The following CDH12 variants were observed in gnomAD, a reference collection of about 807,000 sequenced individuals.
CDH12 encodes the protein cadherin 12.
CDH12 carries 41 observed loss-of-function variants against 74.1 expected under a neutral mutation model. The ratio of observed to expected loss-of-function variants is 0.55; its 90% CI spans 0.43 to 0.72. The LOEUF (loss-of-function observed/expected upper bound fraction) is 0.72, where lower values mean the gene tolerates loss of function less well. Ranked by LOEUF, CDH12 falls within the 30% of genes least tolerant of loss-of-function variation. The probability of loss-of-function intolerance (pLI) is 0.00; values close to 1 mark genes in which losing one functional copy is unlikely to be tolerated. For missense variants in CDH12, 945 were observed against 977.2 expected (o/e 0.97, Z 0.44); for synonymous variants, 399 against 355.0 (o/e 1.12, Z -1.39).
intron 1 of CDH12, among the ~76,000 whole-genome samples, chr5:22,535,900 G>A (rs549269489): frequency 1.7e-4 from 26 of 152,292 alleles, no homozygotes; most frequent in African/African-American, 5.5e-4. Context: ...AAAAAATTGC[G>A]TTGGTACTGA....
intron 6 of CDH12, among the ~76,000 whole-genome samples, chr5:21,958,634 T>C (rs1445663722): frequency 6.6e-6 from 1 of 152,148 alleles, no homozygotes; most frequent in Non-Finnish European, 1.5e-5. Context: ...GGGTTCTTTA[T>C]TCTGTTCTAT....
At chr5:22,751,016 T>C (rs558096292) in intron 1 of CDH12, among the ~76,000 whole-genome samples, 9 of 152,000 alleles carry the variant, frequency 5.9e-5, no homozygotes, top group African/African-American at 1.9e-4. Context: ...AATAAATCTT[T>C]ACATTTCACA....
chr5:21,899,689 C>G (rs927453098), intron 6 of CDH12, among the ~76,000 whole-genome samples: 1 of 146,856 alleles, frequency 6.8e-6, no homozygotes, highest in Non-Finnish European at 1.5e-5. Flanking sequence ...GAGGATTAAC[C>G]TATAACGATT....
chr5:22,135,121 G>A (rs1180236133), intron 4 of CDH12, among the ~76,000 whole-genome samples: 1 of 150,918 alleles, frequency 6.6e-6, no homozygotes, highest in African/African-American at 2.4e-5. Context: ...TACAAAGAAT[G>A]TGAGAGCAAC....
chr5:22,196,963 CT>C (rs2150351290), intron 4 of CDH12, among the ~76,000 whole-genome samples: 1 of 152,192 alleles, frequency 6.6e-6, no homozygotes, highest in Non-Finnish European at 1.5e-5. Flanking sequence ...GGGTGTTAGG[CT>C]TAATATCTGG....
chr5:21,807,732 C>T (rs1265525388), intron 9 of CDH12, among the ~76,000 whole-genome samples: 1 of 152,022 alleles, frequency 6.6e-6, no homozygotes, highest in Non-Finnish European at 1.5e-5. Context: ...TCCCAATATT[C>T]CTGCCCCCAA....
intron 2 of CDH12, among the ~76,000 whole-genome samples, chr5:22,438,697 A>C (rs1013210431): frequency 3.9e-5 from 6 of 152,146 alleles, no homozygotes; most frequent in Non-Finnish European, 5.9e-5. Flanking sequence ...CTTTGCAGGA[A>C]GTTCTAAAGG....
intron 10 of CDH12, among the ~76,000 whole-genome samples, chr5:21,794,319 C>A (rs576845473): frequency 4.6e-5 from 7 of 151,508 alleles, no homozygotes; most frequent in South Asian, 2.1e-4. Context: ...TTTTCAGTTT[C>A]TTTGCTTCTA....
intron 1 of CDH12, among the ~76,000 whole-genome samples, chr5:22,618,658 A>C (rs541076453): frequency 6.6e-6 from 1 of 152,242 alleles, no homozygotes; most frequent in South Asian, 2.1e-4. Flanking sequence ...TTGCCTCTAT[A>C]AATTATTCAA....
chr5:22,231,992 A>C (rs1019575237), intron 3 of CDH12, among the ~76,000 whole-genome samples: 1 of 151,926 alleles, frequency 6.6e-6, no homozygotes, highest in African/African-American at 2.4e-5. Context: ...GATATTTTAT[A>C]CATTGCCTAA....
intron 3 of CDH12, among the ~76,000 whole-genome samples, chr5:22,305,117 T>C (rs1170100496): frequency 6.6e-6 from 1 of 151,966 alleles, no homozygotes; most frequent in Non-Finnish European, 1.5e-5. Context: ...CATAAACATA[T>C]AAAAGGTACT....
chr5:21,997,720 C>A (rs2150141183), intron 5 of CDH12, among the ~76,000 whole-genome samples: 1 of 152,132 alleles, frequency 6.6e-6, no homozygotes, highest in East Asian at 1.9e-4. Flanking sequence ...CTCTCATAGT[C>A]AAAAGATATG....
At chr5:22,461,552 G>T (rs568757402) in intron 2 of CDH12, among the ~76,000 whole-genome samples, 2 of 150,486 alleles carry the variant, frequency 1.3e-5, no homozygotes, top group Admixed American at 6.6e-5. Context: ...TATTTTCCAA[G>T]ACATATTAGT....
chr5:22,268,701 T>G (rs1736247470), intron 3 of CDH12, among the ~76,000 whole-genome samples: 1 of 152,158 alleles, frequency 6.6e-6, no homozygotes, highest in African/African-American at 2.4e-5. Flanking sequence ...TCTTGTATTA[T>G]CTGCAGAAAA....
rs891160898 is a variant in CDH12 at position 21,750,773 on chromosome 5, C to T, written c.*964G>A. 1.3e-5 allele frequency: 2 copies of T among 151,938 alleles called. No individual in the cohort carries two copies. Among genetic ancestry groups the T allele is most frequent in the African/African-American group, 4.8e-5 (2 of 41,392 alleles). The allele number at this position is 151,938 out of a possible 1,614,324, so 9.4% of individuals were successfully genotyped here. ...CTTAAATGAATGGCACTTTTTTCTT[C>T]TAAGAATTTTCATAGAAACACAACT... On this transcript the variant is annotated 3_prime_UTR_variant, in exon 15 of 15. Coordinates refer to ENST00000382254, the MANE Select transcript of CDH12 (RefSeq NM_004061.5).
chr5:22,107,148 T>G (rs1265902987), intron 4 of CDH12, among the ~76,000 whole-genome samples: 2 of 151,312 alleles, frequency 1.3e-5, no homozygotes, highest in African/African-American at 4.9e-5. Context: ...TTTTTTTTTT[T>G]TAAGATGGAT....
At chr5:22,533,251 A>G (rs1412247960) in intron 1 of CDH12, among the ~76,000 whole-genome samples, 1 of 152,184 alleles carries the variant, frequency 6.6e-6, no homozygotes, top group African/African-American at 2.4e-5. Context: ...TCTGTAAGAC[A>G]CAAGAGAGCC....
intron 5 of CDH12, among the ~76,000 whole-genome samples, chr5:22,028,635 T>C (rs1738564452): frequency 6.6e-6 from 1 of 152,068 alleles, no homozygotes; most frequent in Non-Finnish European, 1.5e-5. Flanking sequence ...TGGAAGAACA[T>C]ACCATGCTCA....
chr5:21,909,150 C>A lies in CDH12; in HGVS notation c.527-54360G>T, dbSNP rs116798774. On this transcript the variant is annotated intron_variant, in intron 6 of 14. Transcript: ENST00000382254. ...CCCACAGCCCAAGCTTCTAGAGAAG[C>A]CTTTATGCCATGATTCCAATGTCTT... Among the ~76,000 whole-genome samples the A allele has an allele frequency of 8.4e-3, 1,282 of 152,238 alleles. 22 individuals are homozygous for A. Among genetic ancestry groups the A allele is most frequent in the African/African-American group, 0.03 (1,232 of 41,536 alleles).
Sources: allele counts gnomAD v4.1 joint callset (sites outside exome capture counted in the v4.1 genomes callset), GRCh38; gene constraint gnomAD v4.1.1; transcripts MANE v1.5; gene names NCBI Gene and HGNC (gene_info 2026-07-23, HGNC 2026-07-21).